WDR41: variants seen among roughly 807,000 people sequenced by gnomAD.
The protein encoded by WDR41 is WD repeat domain 41, also known as WD repeat-containing protein 41.
A neutral mutation model predicts 69.3 loss-of-function variants in WDR41; 63 were observed. That is an observed-to-expected ratio of 0.91 (90% CI 0.74 to 1.12). The LOEUF (loss-of-function observed/expected upper bound fraction) is 1.12, where lower values mean the gene tolerates loss of function less well. Among genes scored for constraint, WDR41 ranks in the 50% most tolerant of loss-of-function variants. The pLI is 0.00. For synonymous variants in WDR41, 185 were observed against 192.1 expected, an observed-to-expected ratio of 0.96 and a Z score of 0.31; for missense variants, 543 against 534.5, an observed-to-expected ratio of 1.02 and a Z score of -0.16.
intron 1 of WDR41, among the ~76,000 whole-genome samples, chr5:77,590,922 A>G (rs895585585): frequency 2.6e-5 from 4 of 152,124 alleles, no homozygotes; most frequent in African/African-American, 9.7e-5. Flanking sequence ...GTTTTCTGGA[A>G]AAGTTTATGT....
intron 1 of WDR41, among the ~76,000 whole-genome samples, chr5:77,513,776 A>C (rs912746299): frequency 9.9e-5 from 15 of 152,276 alleles, no homozygotes; most frequent in African/African-American, 3.6e-4. Flanking sequence ...TCATGAGCCC[A>C]ACTTATTTTT....
At chr5:77,583,321 C>T (rs1451129848) in intron 1 of WDR41, among the ~76,000 whole-genome samples, 1 of 151,446 alleles carries the variant, frequency 6.6e-6, no homozygotes, top group African/African-American at 2.4e-5. Context: ...TCAAGACCAG[C>T]CTGAGCAACA....
chr5:77,615,883 C>G (rs903766226), intron 1 of WDR41, among the ~76,000 whole-genome samples: 5 of 151,942 alleles, frequency 3.3e-5, no homozygotes, highest in African/African-American at 4.8e-5. Context: ...ATCCCAGATA[C>G]TCGGGAGGCT....
At chr5:77,612,302 G>A (rs972436353) in intron 1 of WDR41, among the ~76,000 whole-genome samples, 4 of 152,160 alleles carry the variant, frequency 2.6e-5, no homozygotes, top group Admixed American at 6.5e-5. Context: ...TGAGGCCAGC[G>A]TCATCCTGAC....
intron 1 of WDR41, among the ~76,000 whole-genome samples, chr5:77,516,571 C>T (rs1802294135): frequency 7.6e-6 from 1 of 131,438 alleles, no homozygotes. Flanking sequence ...GCTGTTTTAG[C>T]ACCCCATGGT....
chr5:77,522,858 T>C (rs1802390493), intron 1 of WDR41, among the ~76,000 whole-genome samples: 1 of 152,066 alleles, frequency 6.6e-6, no homozygotes, highest in South Asian at 2.1e-4. Flanking sequence ...AAGTGTAGTT[T>C]CAGTAAAAAC....
At chr5:77,603,126 C>T (rs773779401) in intron 1 of WDR41, among the ~76,000 whole-genome samples, 6 of 152,090 alleles carry the variant, frequency 3.9e-5, no homozygotes, top group Admixed American at 2.6e-4. Flanking sequence ...TTATTAGAGA[C>T]GGGATTTCAC....
At chr5:77,511,261 A>C (rs1257850957) in intron 1 of WDR41, among the ~76,000 whole-genome samples, 1 of 152,162 alleles carries the variant, frequency 6.6e-6, no homozygotes, top group Non-Finnish European at 1.5e-5. Context: ...TCTTTTCAAT[A>C]CAGGCCACTA....
At chr5:77,548,899 G>C (rs1053336653) in intron 1 of WDR41, among the ~76,000 whole-genome samples, 1 of 152,002 alleles carries the variant, frequency 6.6e-6, no homozygotes, top group Admixed American at 6.6e-5. Flanking sequence ...CAGTCAATGA[G>C]TGGATAAAAA....
intron 1 of WDR41, among the ~76,000 whole-genome samples, chr5:77,576,760 C>A (rs1743843135): frequency 1.3e-5 from 2 of 152,152 alleles, no homozygotes; most frequent in Non-Finnish European, 2.9e-5. Flanking sequence ...GGCAAATCTG[C>A]ACCAACTATC....
rs570192049 is a variant in WDR41, at chr5:77,487,936, G to C, written c.167+1521C>G. Among the ~76,000 whole-genome samples, 7 of 152,338 alleles carry C rather than the reference G, an allele frequency of 4.6e-5. No individual in the cohort carries two copies. In the South Asian group the frequency reaches 1.4e-3, roughly 32 times the overall value. ...TTGGTGATACACACTGATGTTCCAA[G>C]AGGGCGAGGAGTCTTGAGACATGGA... is the stretch of plus-strand genomic sequence containing the variant. On this transcript the variant is annotated intron_variant, in intron 2 of 12. Transcript: ENST00000296679.
At chr5:77,569,636 C>T (rs1034021283) in intron 1 of WDR41, among the ~76,000 whole-genome samples, 5 of 152,112 alleles carry the variant, frequency 3.3e-5, no homozygotes, top group Non-Finnish European at 7.4e-5. Context: ...AGAATGATTG[C>T]ATCACTACCC....
intron 4 of WDR41, among the ~76,000 whole-genome samples, chr5:77,461,699 G>A (rs1273494946): frequency 2.6e-5 from 4 of 152,058 alleles, no homozygotes; most frequent in South Asian, 2.1e-4. Context: ...TTAGCCGGAC[G>A]TGGTGGCAGG....
intron 12 of WDR41, 31 bp from the exon 13 acceptor site, chr5:77,433,318 A>G: frequency 1.3e-6 from 2 of 1,598,614 alleles, no homozygotes; most frequent in East Asian, 2.2e-5. Flanking sequence ...GATTATAGGG[A>G]CCCCGAAAAG....
intron 1 of WDR41, among the ~76,000 whole-genome samples, chr5:77,571,808 G>A (rs539231966): frequency 3.3e-5 from 5 of 152,104 alleles, no homozygotes; most frequent in East Asian, 3.8e-4. Flanking sequence ...AGTGTCAACC[G>A]TAGTTTTATT....
At chr5:77,606,639 C>T (rs906610110) in intron 1 of WDR41, among the ~76,000 whole-genome samples, 1 of 151,822 alleles carries the variant, frequency 6.6e-6, no homozygotes. Context: ...CCTGTCTCTA[C>T]AAACAATGAA....
In WDR41 at chr5:77,463,235, C is replaced by T. The variant is rs755663351; in HGVS notation, c.217-9G>A. 6.3e-7 allele frequency: 1 copy of T among 1,599,572 alleles called. No homozygotes were observed. The highest frequency in any genetic ancestry group is 1.8e-5 in the Admixed American group (1 of 56,122). On this transcript the variant is annotated splice_polypyrimidine_tract_variant and intron_variant, in intron 3 of 12. Coordinates refer to ENST00000296679, the MANE Select transcript of WDR41 (RefSeq NM_018268.4). The stretch of plus-strand genomic sequence containing the variant: ...AAAAGTTTTTCCCCTGTCTGAAATA[C>T]CAATAAAAATGTTAATAGGCTTAGC...
At chr5:77,491,980 C>G (rs1414770177) in intron 1 of WDR41, 190 bp downstream of exon 1, 2 of 657,926 alleles carry the variant, frequency 3.0e-6, no homozygotes, top group Non-Finnish European at 4.9e-6. Context: ...GGGGTCCCGC[C>G]GGGTCTGAGG....
upstream of WDR41, among the ~76,000 whole-genome samples, chr5:77,493,668 A>C (rs1801891483): frequency 6.6e-6 from 1 of 152,210 alleles, no homozygotes; most frequent in African/African-American, 2.4e-5. Flanking sequence ...AGACAGACCA[A>C]AACAGAGACT....
Sources: gnomAD v4.1 joint callset for allele counts (sites outside exome capture counted in the v4.1 genomes callset) on GRCh38, gnomAD v4.1.1 for gene constraint, MANE v1.5 for transcripts, NCBI Gene and HGNC (gene_info 2026-07-23, HGNC 2026-07-21) for gene names.